Variants in STRADA observed in about 807,000 individuals in gnomAD.
STRADA encodes STE20-related kinase adapter protein alpha.
In STRADA, 26 loss-of-function variants were observed where a neutral mutation model predicts 55.0. The ratio of observed to expected loss-of-function variants is 0.47; its 90% CI spans 0.35 to 0.66. The LOEUF (loss-of-function observed/expected upper bound fraction) is 0.66, where lower values mean the gene tolerates loss of function less well. STRADA is among the 30% of genes least tolerant of loss of function. The pLI, the probability that STRADA is intolerant of heterozygous loss-of-function variation, is 0.01. For missense variants in STRADA, 443 were observed against 549.7 expected, an observed-to-expected ratio of 0.81 and a Z score of 1.94; for synonymous variants, 197 against 210.9, an observed-to-expected ratio of 0.93 and a Z score of 0.57.
At chr17:63,709,074 C>T (rs955020389) in intron 8 of STRADA, among the ~76,000 whole-genome samples, 1 of 152,212 alleles carries the variant, frequency 6.6e-6, no homozygotes, top group Non-Finnish European at 1.5e-5. Context: ...TGGGGACAGA[C>T]ACTCACACTA....
intron 1 of STRADA, among the ~76,000 whole-genome samples, chr17:63,734,585 C>T (rs1027006521): frequency 2.4e-4 from 36 of 151,802 alleles, no homozygotes; most frequent in African/African-American, 7.7e-4. Context: ...TGCAGTGAGC[C>T]GAGATTGCGC....
chr17:63,740,107 T>TACACACAC (rs1555712215), intron 1 of STRADA, among the ~76,000 whole-genome samples: 1 of 49,648 alleles, frequency 2.0e-5, no homozygotes. Context: ...TATATATATA[T>TACACACAC]ACATACATAC....
At chr17:63,721,609 G>C (rs2037329077) in intron 4 of STRADA, among the ~76,000 whole-genome samples, 1 of 151,368 alleles carries the variant, frequency 6.6e-6, no homozygotes, top group Admixed American at 6.6e-5. Flanking sequence ...AGCTACTCGG[G>C]AGGTTGAGGC....
chr17:63,740,277 G>T (rs2038847957), intron 1 of STRADA, among the ~76,000 whole-genome samples: 1 of 151,294 alleles, frequency 6.6e-6, no homozygotes, highest in South Asian at 2.1e-4. Flanking sequence ...TTGGGAGGTC[G>T]AGGCTGGTGG....
intron 4 of STRADA, among the ~76,000 whole-genome samples, chr17:63,720,632 G>A (rs938588782): frequency 3.3e-5 from 5 of 151,904 alleles, no homozygotes; most frequent in African/African-American, 1.2e-4. Context: ...AAATTAGCTG[G>A]GCATGGCAGC....
rs1365486528 is a variant in STRADA, at chr17:63,715,251, CAT to C, written c.124-1145_124-1144del. 5.3e-5 allele frequency: 8 copies of C among 152,320 alleles called. No homozygotes were observed. In the East Asian group the frequency reaches 7.7e-4, roughly 15 times the overall value. The allele number at this position is 152,320 out of a possible 1,614,324, so 9.4% of individuals were successfully genotyped here. On this transcript the variant is annotated intron_variant, in intron 4 of 12. Coordinates refer to ENST00000336174, the MANE Select transcript of STRADA (RefSeq NM_001003787.4). The stretch of plus-strand genomic sequence containing the variant: ...CTTTCCAGAGCACTTCCAAATTGCA[CAT>C]GATTCCTCCATAGCTCAGTCAAGTA...
intron 4 of STRADA, 100 bp from the exon 5 acceptor site, chr17:63,714,208 A>C: frequency 1.3e-6 from 1 of 798,680 alleles, no homozygotes; most frequent in Non-Finnish European, 2.1e-6. Context: ...ACTGGCATCT[A>C]AACACACACA....
At chr17:63,723,620 C>T (rs2037455731) in intron 3 of STRADA, 5 of 351,862 alleles carry the variant, frequency 1.4e-5, no homozygotes. Flanking sequence ...TCTGGTCATA[C>T]ATTTACTTGG....
rs780426288 is a variant in STRADA, at chr17:63,703,617, C to T, written c.1278G>A (p.Val426=). Residue 426 remains valine, a synonymous_variant, in exon 13 of 13, where the codon GTG becomes GTA. Coordinates refer to ENST00000336174, the MANE Select transcript of STRADA (RefSeq NM_001003787.4). ...GLVTNLEELE[V]DDWEF Reference sequence around the variant, plus strand: ...CAGAGGCTCAGAACTCCCAATCGTCCACCTCCAGCTCTTCCAGGTTTGTTA... The same window carrying T: ...CAGAGGCTCAGAACTCCCAATCGTCTACCTCCAGCTCTTCCAGGTTTGTTA... 12 of 1,613,966 alleles carry T rather than the reference C, an allele frequency of 7.4e-6. No homozygotes were observed. The highest frequency in any genetic ancestry group is 1.1e-5 in the South Asian group (1 of 91,064).
chr17:63,719,157 C>T (rs747968226), intron 4 of STRADA: 3 of 152,220 alleles, frequency 2.0e-5, no homozygotes, highest in East Asian at 1.9e-4. Flanking sequence ...CCTTTGGTAA[C>T]GGGTTCAGCA....
intron 11 of STRADA, 81 bp downstream of exon 11, chr17:63,704,260 G>T: frequency 6.3e-7 from 1 of 1,578,528 alleles, no homozygotes; most frequent in East Asian, 2.3e-5. Flanking sequence ...CCTTTGGGAG[G>T]TAAGTCCCTT....
At chr17:63,716,289 G>T (rs2036878576) in intron 4 of STRADA, among the ~76,000 whole-genome samples, 1 of 151,818 alleles carries the variant, frequency 6.6e-6, no homozygotes, top group African/African-American at 2.4e-5. Context: ...TAGAGATGGG[G>T]TTTTGCCATG....
At chr17:63,710,029 TC>T (rs2143837581) in intron 8 of STRADA, among the ~76,000 whole-genome samples, 1 of 145,848 alleles carries the variant, frequency 6.9e-6, no homozygotes, top group African/African-American at 2.6e-5. Context: ...CAGATCCTTC[TC>T]TCTTTTTTTT....
At chr17:63,724,967 C>G (rs1598229037) in intron 3 of STRADA, among the ~76,000 whole-genome samples, 1 of 152,116 alleles carries the variant, frequency 6.6e-6, no homozygotes, top group African/African-American at 2.4e-5. Flanking sequence ...TAGGTACCAC[C>G]TAGTAACTAA....
At chr17:63,729,301 A>T (rs946717202) in intron 1 of STRADA, among the ~76,000 whole-genome samples, 2 of 152,224 alleles carry the variant, frequency 1.3e-5, no homozygotes, top group Admixed American at 6.5e-5. Context: ...TAGACAATGT[A>T]CCCAGAGTCA....
At chr17:63,732,780 C>T (rs532801694) in intron 1 of STRADA, among the ~76,000 whole-genome samples, 1 of 151,964 alleles carries the variant, frequency 6.6e-6, no homozygotes, top group Admixed American at 6.6e-5. Context: ...AGGTAACAGA[C>T]TATGTTGTCC....
Position 63,707,376 on chromosome 17 carries a change from C to T in STRADA, c.624G>A (p.Lys208=). Reference sequence around the variant, plus strand: ...TGCTGCGCAAACCAGACAGGTAGACCTTCCCATCCACAGAGATCAGGATGT... The same window carrying T: ...TGCTGCGCAAACCAGACAGGTAGACTTTCCCATCCACAGAGATCAGGATGT... ...ASHILISVDG[K]VYLSGLRSNL... is the part of the protein sequence containing the mutation. Residue 208 remains lysine, a synonymous_variant, in exon 9 of 13, where the codon AAG becomes AAA. Transcript: ENST00000336174. 1 of 1,614,150 alleles carries T rather than the reference C, an allele frequency of 6.2e-7. No individual in the cohort carries two copies. Among genetic ancestry groups the T allele is most frequent in the East Asian group, 2.2e-5 (1 of 44,878 alleles).
chr17:63,704,617 G>C, intron 10 of STRADA, 35 bp from the exon 11 acceptor site: 2 of 1,289,992 alleles, frequency 1.6e-6, no homozygotes, highest in South Asian at 1.4e-5. Flanking sequence ...GGGCTGTAGC[G>C]GGTGGGGGGG....
chr17:63,720,494 G>A (rs1420097181), intron 4 of STRADA, among the ~76,000 whole-genome samples: 1 of 151,992 alleles, frequency 6.6e-6, no homozygotes, highest in Admixed American at 6.5e-5. Context: ...AGTTCTGGGG[G>A]CTGGGCGAGG....
Sources: allele counts gnomAD v4.1 joint callset (sites outside exome capture counted in the v4.1 genomes callset), GRCh38; gene constraint gnomAD v4.1.1; transcripts MANE v1.5; gene names NCBI Gene and HGNC (gene_info 2026-07-23, HGNC 2026-07-21).